SNX4: variants seen among roughly 807,000 people sequenced by gnomAD.
SNX4 encodes the protein sorting nexin-4.
In SNX4, 49 loss-of-function variants were observed where a neutral mutation model predicts 70.8. The observed-to-expected ratio is 0.69, with a 90% CI of 0.55 to 0.88. SNX4 has a LOEUF of 0.88. Ranked by LOEUF, SNX4 falls within the 40% of genes least tolerant of loss-of-function variation. SNX4 has a pLI of 0.00. For missense variants in SNX4, 528 were observed against 544.8 expected, an observed-to-expected ratio of 0.97 and a Z score of 0.31; for synonymous variants, 206 against 183.8, an observed-to-expected ratio of 1.12 and a Z score of -0.98.
intron 12 of SNX4, among the ~76,000 whole-genome samples, chr3:125,451,772 A>AC (rs1933580118): frequency 6.6e-6 from 1 of 152,020 alleles, no homozygotes; most frequent in Non-Finnish European, 1.5e-5. Flanking sequence ...GATTACAGGC[A>AC]CACGCCACTA....
intron 2 of SNX4, among the ~76,000 whole-genome samples, chr3:125,500,662 C>T (rs1296113739): frequency 6.6e-6 from 1 of 151,518 alleles, no homozygotes; most frequent in Non-Finnish European, 1.5e-5. Context: ...ATTACCCAGG[C>T]GTGGTGTTGC....
chr3:125,513,271 A>G (rs1935207579), intron 1 of SNX4, among the ~76,000 whole-genome samples: 1 of 152,174 alleles, frequency 6.6e-6, no homozygotes. Context: ...GCCAGGAAGC[A>G]GCCCTCACCA....
Position 125,457,352 on chromosome 3 carries a change from T to G in SNX4, c.958A>C (p.Lys320Gln). 6.2e-7 allele frequency: 1 copy of G among 1,613,430 alleles called. No individual in the cohort carries two copies. The highest frequency in any genetic ancestry group is 8.5e-7 in the Non-Finnish European group (1 of 1,179,358). The change falls in exon 11 of 14, where the codon AAA (lysine) becomes CAA (glutamine). Residue 320 changes from lysine to glutamine, a missense_variant. Coordinates refer to ENST00000251775, the MANE Select transcript of SNX4 (RefSeq NM_003794.4). ...YAEALRAVCR[K>Q]HELMQYDLEM... ...AAGTCATACTGCATAAGTTCATGTT[T>G]CCTGCACACAGCCCTACAGATGAAA...
intron 10 of SNX4, among the ~76,000 whole-genome samples, chr3:125,459,453 T>C (rs1447062240): frequency 6.6e-6 from 1 of 152,300 alleles, no homozygotes; most frequent in African/African-American, 2.4e-5. Context: ...ACTTTCTTTT[T>C]TGAGACAGAA....
chr3:125,477,188 C>T (rs958979553), intron 7 of SNX4, among the ~76,000 whole-genome samples: 2 of 151,844 alleles, frequency 1.3e-5, no homozygotes, highest in African/African-American at 2.4e-5. Context: ...AGCCTTTTTC[C>T]CTCAGATTGT....
At chr3:125,459,654 G>T (rs948176123) in intron 10 of SNX4, among the ~76,000 whole-genome samples, 1 of 151,964 alleles carries the variant, frequency 6.6e-6, no homozygotes, top group Admixed American at 6.6e-5. Flanking sequence ...GGCTAGGCTG[G>T]TCTCGAACTC....
intron 2 of SNX4, among the ~76,000 whole-genome samples, chr3:125,500,663 G>A (rs1449511135): frequency 6.6e-6 from 1 of 151,656 alleles, no homozygotes; most frequent in African/African-American, 2.4e-5. Context: ...TTACCCAGGC[G>A]TGGTGTTGCG....
At chr3:125,492,908 AG>A (rs1325488060) in intron 5 of SNX4, among the ~76,000 whole-genome samples, 1 of 152,180 alleles carries the variant, frequency 6.6e-6, no homozygotes, top group Non-Finnish European at 1.5e-5. Context: ...CCCAAGGAAG[AG>A]GCAGGGTCCA....
chr3:125,491,853 A>T (rs1451891215), intron 5 of SNX4, among the ~76,000 whole-genome samples: 1 of 152,168 alleles, frequency 6.6e-6, no homozygotes, highest in African/African-American at 2.4e-5. Context: ...TTATGCCTGT[A>T]ATCCCAGCAC....
chr3:125,471,581 TG>T (rs1323721725), intron 8 of SNX4, among the ~76,000 whole-genome samples: 2 of 152,168 alleles, frequency 1.3e-5, no homozygotes, highest in Non-Finnish European at 2.9e-5. Context: ...TACTTTTGGT[TG>T]CTTCCATATG....
At position 125,520,190 on chromosome 3, in the gene SNX4, G is replaced by A. The variant is rs1935380239; in HGVS notation, c.-18C>T. The stretch of plus-strand genomic sequence containing the variant: ...TGCTCCATGGCTGCAGTTCGGCGCG[G>A]CGAACCCAGTGCGCCTGCGCCGCCG... On this transcript the variant is annotated 5_prime_UTR_variant, in exon 1 of 14. Transcript: ENST00000251775. The A allele has an allele frequency of 6.0e-6, 8 of 1,323,410 alleles. No individual in the cohort carries two copies. The highest frequency in any genetic ancestry group is 7.7e-6 in the Non-Finnish European group (8 of 1,038,544). 82.0% of individuals were successfully genotyped at this position (1,323,410 alleles called of 1,614,324 possible).
chr3:125,502,689 T>C (rs1357710050), intron 2 of SNX4, among the ~76,000 whole-genome samples: 1 of 151,572 alleles, frequency 6.6e-6, no homozygotes, highest in Non-Finnish European at 1.5e-5. Context: ...GCCAACATGG[T>C]GAAACCCCAT....
chr3:125,499,597 T>C (rs1934880022), intron 2 of SNX4, among the ~76,000 whole-genome samples: 1 of 152,122 alleles, frequency 6.6e-6, no homozygotes, highest in Non-Finnish European at 1.5e-5. Context: ...ACTAATACTA[T>C]CCCAATTACA....
intron 7 of SNX4, 100 bp downstream of exon 7, chr3:125,480,147 T>A: frequency 1.6e-6 from 1 of 622,956 alleles, no homozygotes; most frequent in Non-Finnish European, 2.6e-6. Flanking sequence ...CAAAAATCAG[T>A]TATTCATGGT....
At chr3:125,505,843 C>T (rs945911135) in intron 1 of SNX4, among the ~76,000 whole-genome samples, 3 of 152,112 alleles carry the variant, frequency 2.0e-5, no homozygotes, top group South Asian at 2.1e-4. Flanking sequence ...TGTCTTTAGT[C>T]CTAACTACTA....
chr3:125,507,746 T>C (rs1393031850), intron 1 of SNX4, among the ~76,000 whole-genome samples: 2 of 152,110 alleles, frequency 1.3e-5, no homozygotes, highest in Non-Finnish European at 2.9e-5. Context: ...TAAAAATAAC[T>C]GTCAATCCAG....
chr3:125,506,817 T>TGAAAAAAAAAAAA (rs199752160), intron 1 of SNX4, among the ~76,000 whole-genome samples: 2 of 26,818 alleles, frequency 7.5e-5, no homozygotes, highest in African/African-American at 1.9e-4. Context: ...GTGGAGAAAG[T>TGAAAAAAAAAAAA]AAAAAAAAAA....
chr3:125,471,601 A>G (rs1934176289), intron 8 of SNX4, among the ~76,000 whole-genome samples: 1 of 152,184 alleles, frequency 6.6e-6, no homozygotes, highest in Admixed American at 6.5e-5. Context: ...TGGATTCACA[A>G]CCTATGAATT....
chr3:125,499,380 A>G (rs897375813), intron 2 of SNX4, among the ~76,000 whole-genome samples: 1 of 152,194 alleles, frequency 6.6e-6, no homozygotes, highest in African/African-American at 2.4e-5. Flanking sequence ...CAAATAGTCT[A>G]GAGAAAGTAT....
Sources: gnomAD v4.1 joint callset for allele counts (sites outside exome capture counted in the v4.1 genomes callset) on GRCh38, gnomAD v4.1.1 for gene constraint, MANE v1.5 for transcripts, NCBI Gene and HGNC (gene_info 2026-07-23, HGNC 2026-07-21) for gene names.